Variants in PLXDC2 observed in about 807,000 individuals in gnomAD.
PLXDC2 encodes the protein plexin domain-containing protein 2.
A neutral mutation model predicts 68.9 loss-of-function variants in PLXDC2; 40 were observed. The observed-to-expected ratio is 0.58, with a 90% CI of 0.45 to 0.76. The LOEUF (loss-of-function observed/expected upper bound fraction) is 0.76. PLXDC2 is among the 30% of genes least tolerant of loss of function. The pLI is 0.00. For synonymous variants in PLXDC2, 243 were observed against 234.2 expected, an observed-to-expected ratio of 1.04 and a Z score of -0.34; for missense variants, 644 against 661.9, an observed-to-expected ratio of 0.97 and a Z score of 0.30.
At chr10:20,055,772 A>T (rs1392836850) in intron 3 of PLXDC2, among the ~76,000 whole-genome samples, 1 of 152,158 alleles carries the variant, frequency 6.6e-6, no homozygotes. Flanking sequence ...AGTATTTTAC[A>T]TACATAAAGG....
chr10:20,058,978 T>C (rs1836051512), intron 3 of PLXDC2, among the ~76,000 whole-genome samples: 2 of 152,200 alleles, frequency 1.3e-5, no homozygotes, highest in South Asian at 2.1e-4. Context: ...AGGCCACTTA[T>C]ATAACAGAGC....
At chr10:20,042,803 G>A (rs1457448344) in intron 2 of PLXDC2, among the ~76,000 whole-genome samples, 1 of 152,108 alleles carries the variant, frequency 6.6e-6, no homozygotes, top group South Asian at 2.1e-4. Flanking sequence ...CTTTTCCTCC[G>A]TATTTTTGGT....
intron 1 of PLXDC2, among the ~76,000 whole-genome samples, chr10:19,835,183 G>C (rs557010170): frequency 3.3e-5 from 5 of 152,174 alleles, no homozygotes; most frequent in African/African-American, 1.2e-4. Flanking sequence ...GAAGTTGACA[G>C]TTGGCCCAAA....
chr10:20,035,630 AAGTTGC>A (rs1220559176), intron 2 of PLXDC2, among the ~76,000 whole-genome samples: 1 of 152,124 alleles, frequency 6.6e-6, no homozygotes, highest in Non-Finnish European at 1.5e-5. Context: ...CGGGAGGTGG[AAGTTGC>A]AGTGAGCCAA....
intron 4 of PLXDC2, among the ~76,000 whole-genome samples, chr10:20,078,359 A>T (rs1836488201): frequency 6.6e-6 from 1 of 152,168 alleles, no homozygotes; most frequent in Admixed American, 6.5e-5. Context: ...CTCCAGTCAG[A>T]GTGACAGAGC....
intron 1 of PLXDC2, among the ~76,000 whole-genome samples, chr10:19,880,705 T>G (rs964208922): frequency 1.3e-5 from 2 of 152,218 alleles, no homozygotes; most frequent in Admixed American, 6.5e-5. Flanking sequence ...CCCAACATCA[T>G]CTGTCTTCAC....
At position 20,288,940 on chromosome 10, in the gene PLXDC2, G is replaced by T. The variant is rs1172909215; in HGVS notation, c.*9121G>T. Reference sequence around the variant, plus strand: ...CAAACCATGTTTTTCACTTACAGTAGGAGTCAACAAATTTGGGATTTTAGA... The same window carrying T: ...CAAACCATGTTTTTCACTTACAGTATGAGTCAACAAATTTGGGATTTTAGA... On this transcript the variant is annotated 3_prime_UTR_variant, in exon 14 of 14. Transcript: ENST00000377252. The T allele has an allele frequency of 6.6e-6, 1 of 152,056 alleles. No homozygotes were observed. The highest frequency in any genetic ancestry group is 1.5e-5 in the Non-Finnish European group (1 of 68,032). The allele number at this position is 152,056 out of a possible 1,614,324, so 9.4% of individuals were successfully genotyped here. A position where few individuals can be genotyped will look rare whatever the true frequency, so the allele number is the denominator to read the frequency against.
At chr10:19,935,980 A>C (rs1833716758) in intron 1 of PLXDC2, among the ~76,000 whole-genome samples, 1 of 152,206 alleles carries the variant, frequency 6.6e-6, no homozygotes, top group African/African-American at 2.4e-5. Flanking sequence ...CAACAGACAA[A>C]CATGTCTTAG....
intron 2 of PLXDC2, among the ~76,000 whole-genome samples, chr10:20,015,212 T>C (rs1835190240): frequency 6.6e-6 from 1 of 152,218 alleles, no homozygotes; most frequent in South Asian, 2.1e-4. Context: ...GGGCTGCAGT[T>C]GCAAAATTAG....
At chr10:19,993,083 C>G (rs564736989) in intron 1 of PLXDC2, among the ~76,000 whole-genome samples, 16 of 152,222 alleles carry the variant, frequency 1.1e-4, no homozygotes, top group African/African-American at 3.9e-4. Flanking sequence ...TAATTCATGC[C>G]AAGCCCAAGC....
intron 7 of PLXDC2, among the ~76,000 whole-genome samples, chr10:20,168,421 TG>T (rs1834402815): frequency 2.0e-5 from 3 of 152,160 alleles, no homozygotes; most frequent in Admixed American, 2.0e-4. Flanking sequence ...CTAACTTAGA[TG>T]TCACTGCCAA....
At chr10:20,162,553 A>G (rs1432784463) in intron 6 of PLXDC2, among the ~76,000 whole-genome samples, 1 of 151,980 alleles carries the variant, frequency 6.6e-6, no homozygotes, top group East Asian at 1.9e-4. Context: ...AAATGAGATG[A>G]TCATGTCTTA....
At chr10:19,844,807 G>A (rs1026082928) in intron 1 of PLXDC2, among the ~76,000 whole-genome samples, 1 of 152,020 alleles carries the variant, frequency 6.6e-6, no homozygotes, top group Non-Finnish European at 1.5e-5. Flanking sequence ...GTCTTGCTAT[G>A]TTGTCCAGGC....
intron 1 of PLXDC2, among the ~76,000 whole-genome samples, chr10:19,937,583 T>TATATATATATATATATATATATA (rs1833747488): frequency 1.5e-5 from 2 of 137,884 alleles, no homozygotes; most frequent in Non-Finnish European, 3.1e-5. Flanking sequence ...TATATATATA[T>TATATATATATATATATATATATA]TTGCAACTTC....
At chr10:20,089,653 G>T (rs866735067) in intron 4 of PLXDC2, among the ~76,000 whole-genome samples, 2 of 152,110 alleles carry the variant, frequency 1.3e-5, no homozygotes, top group Non-Finnish European at 2.9e-5. Context: ...TGGAAAACAG[G>T]GTCCTGGCCA....
chr10:20,135,358 T>C (rs1833920731), intron 4 of PLXDC2, among the ~76,000 whole-genome samples: 1 of 152,174 alleles, frequency 6.6e-6, no homozygotes, highest in Non-Finnish European at 1.5e-5. Context: ...TGAACCCATA[T>C]CTAGAAATCC....
At chr10:20,009,056 C>T (rs1835069813) in intron 2 of PLXDC2, among the ~76,000 whole-genome samples, 1 of 152,156 alleles carries the variant, frequency 6.6e-6, no homozygotes, top group Admixed American at 6.5e-5. Flanking sequence ...TGTGGAAAAT[C>T]TTACTCCTCT....
chr10:20,168,345 G>A (rs1357163779), intron 7 of PLXDC2, among the ~76,000 whole-genome samples: 1 of 152,106 alleles, frequency 6.6e-6, no homozygotes, highest in East Asian at 1.9e-4. Flanking sequence ...CAGAGAGTAA[G>A]TAGTACACTT....
chr10:20,189,650 G>T (rs960456073), intron 9 of PLXDC2, among the ~76,000 whole-genome samples: 2 of 150,072 alleles, frequency 1.3e-5, no homozygotes, highest in African/African-American at 4.9e-5. Context: ...AATTATCAGT[G>T]CCGAATCTAT....
Sources: allele counts gnomAD v4.1 joint callset (sites outside exome capture counted in the v4.1 genomes callset), GRCh38; gene constraint gnomAD v4.1.1; transcripts MANE v1.5; gene names NCBI Gene and HGNC (gene_info 2026-07-23, HGNC 2026-07-21).